HEATR5A: variants seen among roughly 807,000 people sequenced by gnomAD.
The protein encoded by HEATR5A is HEAT repeat containing 5A.
In HEATR5A, 178 loss-of-function variants were observed where a neutral mutation model predicts 218.8. That is an observed-to-expected ratio of 0.81 (90% confidence interval 0.72 to 0.92). The LOEUF (loss-of-function observed/expected upper bound fraction) is 0.92, where lower values mean the gene tolerates loss of function less well. Among genes scored for constraint, HEATR5A ranks in the 40% least tolerant of loss-of-function variants. The pLI is 0.00. For synonymous variants in HEATR5A, 864 were observed against 871.6 expected, an observed-to-expected ratio of 0.99 and a Z score of 0.15; for missense variants, 2,420 against 2,418.9, an observed-to-expected ratio of 1.00 and a Z score of -0.01.
chr14:31,349,083 T>A (rs1166818655), intron 18 of HEATR5A, among the ~76,000 whole-genome samples: 1 of 152,110 alleles, frequency 6.6e-6, no homozygotes, highest in Non-Finnish European at 1.5e-5. Flanking sequence ...CTAAAAGTTA[T>A]ACAACTGATA....
At chr14:31,401,083 C>T (rs528049064) in intron 2 of HEATR5A, among the ~76,000 whole-genome samples, 8 of 152,186 alleles carry the variant, frequency 5.3e-5, no homozygotes, top group Admixed American at 1.3e-4. Flanking sequence ...TTATGATCCA[C>T]CCACCTCGGC....
intron 24 of HEATR5A, among the ~76,000 whole-genome samples, chr14:31,323,257 C>A: frequency 6.6e-6 from 1 of 152,132 alleles, no homozygotes; most frequent in East Asian, 1.9e-4. Context: ...AACTCCTGGG[C>A]TCAAGTGATA....
chr14:31,337,476 C>G lies in HEATR5A; in HGVS notation c.3367G>C (p.Asp1123His), dbSNP rs1282640470. ...ACATAATCTTGATCAAGAGAATTAC[C>G]TGGAGTCAACTCTTCTCTGCTATCC... ...AKDSREELTPDANIREVGLEG... is the reference protein window; with the variant it reads ...AKDSREELTPHANIREVGLEG... Residue 1123 changes from aspartate (D) to histidine (H), a missense_variant and splice_region_variant, in exon 22 of 36, where the codon GAT becomes CAT. Transcript: ENST00000543095. 6.5e-7 allele frequency: 1 copy of G among 1,548,738 alleles called. No individual in the cohort carries two copies. The highest frequency in any genetic ancestry group is 2.4e-5 in the East Asian group (1 of 40,928).
intron 29 of HEATR5A, among the ~76,000 whole-genome samples, chr14:31,308,375 C>T (rs1051921778): frequency 2.0e-5 from 3 of 151,954 alleles, no homozygotes; most frequent in Non-Finnish European, 4.4e-5. Flanking sequence ...GGCATGGTGG[C>T]GCATGCCTGT....
chr14:31,352,349 A>C (rs577012432), intron 16 of HEATR5A, among the ~76,000 whole-genome samples: 2 of 152,344 alleles, frequency 1.3e-5, no homozygotes, highest in South Asian at 4.1e-4. Flanking sequence ...CAAGCATAAA[A>C]GACAACAGCA....
At chr14:31,330,669 T>C (rs1900434429) in intron 22 of HEATR5A, among the ~76,000 whole-genome samples, 1 of 151,714 alleles carries the variant, frequency 6.6e-6, no homozygotes, top group Admixed American at 6.6e-5. Flanking sequence ...CAGGTGCCTG[T>C]AGTCCCAGCT....
intron 1 of HEATR5A, among the ~76,000 whole-genome samples, chr14:31,405,695 A>C (rs2139313150): frequency 6.6e-6 from 1 of 152,352 alleles, no homozygotes; most frequent in East Asian, 1.9e-4. Flanking sequence ...AAATAACCAC[A>C]GTATCATAGA....
chr14:31,306,324 T>TA (rs1469212997), intron 31 of HEATR5A, among the ~76,000 whole-genome samples: 1 of 151,726 alleles, frequency 6.6e-6, no homozygotes, highest in Admixed American at 6.6e-5. Context: ...TAATAAAAAA[T>TA]ACGAAAAAAT....
chr14:31,313,601 A>G (rs1899825948), intron 27 of HEATR5A, among the ~76,000 whole-genome samples: 1 of 152,218 alleles, frequency 6.6e-6, no homozygotes, highest in Non-Finnish European at 1.5e-5. Flanking sequence ...AGTGTACACA[A>G]ATAGATTTAA....
At chr14:31,313,552 T>C (rs564214379) in intron 27 of HEATR5A, among the ~76,000 whole-genome samples, 13 of 152,304 alleles carry the variant, frequency 8.5e-5, no homozygotes, top group Middle Eastern at 3.4e-3. Flanking sequence ...AAATACTGAA[T>C]ATATTTTCAT....
chr14:31,400,562 G>A, intron 2 of HEATR5A, 50 bp from the exon 3 acceptor site: 1 of 1,163,406 alleles, frequency 8.6e-7, no homozygotes, highest in East Asian at 2.6e-5. Context: ...ATAATTATCT[G>A]TAATCCCCTA....
At chr14:31,359,904 C>T (rs1312610056) in intron 14 of HEATR5A, among the ~76,000 whole-genome samples, 2 of 152,072 alleles carry the variant, frequency 1.3e-5, no homozygotes, top group African/African-American at 2.4e-5. Flanking sequence ...CACCTACATC[C>T]CCATTCCTGA....
chr14:31,308,189 GTCTGTT>G (rs1205652325), intron 29 of HEATR5A, among the ~76,000 whole-genome samples, 169 bp from the exon 30 acceptor site: 1 of 152,058 alleles, frequency 6.6e-6, no homozygotes, highest in Non-Finnish European at 1.5e-5. Flanking sequence ...TCACTTAATA[GTCTGTT>G]TCTATCTACA....
At chr14:31,305,515 G>A (rs1419486649) in intron 31 of HEATR5A, among the ~76,000 whole-genome samples, 2 of 152,186 alleles carry the variant, frequency 1.3e-5, no homozygotes, top group African/African-American at 4.8e-5. Context: ...CGCCTGCCCC[G>A]GCCTCCCAAA....
At chr14:31,368,274 G>A (rs1309524125) in intron 13 of HEATR5A, among the ~76,000 whole-genome samples, 1 of 152,080 alleles carries the variant, frequency 6.6e-6, no homozygotes, top group Non-Finnish European at 1.5e-5. Context: ...GTAAACAGCA[G>A]GCTCTCATCA....
chr14:31,339,106 A>T (rs1472070850), intron 21 of HEATR5A, among the ~76,000 whole-genome samples: 1 of 147,756 alleles, frequency 6.8e-6, no homozygotes, highest in South Asian at 2.2e-4. Flanking sequence ...GGCGACACAG[A>T]CTGTGTCTCA....
In HEATR5A at chr14:31,386,507, T is replaced by C. The variant is rs375901899; in HGVS notation, c.1258A>G (p.Met420Val). 1.3e-5 allele frequency: 21 copies of C among 1,612,062 alleles called. No individual in the cohort carries two copies. Among genetic ancestry groups the C allele is most frequent in the African/African-American group, 4.0e-5 (3 of 74,818 alleles). Residue 420 changes from methionine to valine, a missense_variant, in exon 9 of 36, where the codon ATG becomes GTG. Met to Val is a conservative substitution (Grantham distance 21). Coordinates refer to ENST00000543095, the MANE Select transcript of HEATR5A (RefSeq NM_015473.4). ...GSTDVAASQH[M>V]LVCALQELGN... is the part of the protein sequence containing the mutation. ...AGTTCTTGTAAAGCACAAACCAGCA[T>C]ATGTTGGCTAGCGGCTACATCTGTG...
intron 22 of HEATR5A, 22 bp from the exon 23 acceptor site, chr14:31,326,364 A>C: frequency 6.3e-7 from 1 of 1,578,044 alleles, no homozygotes; most frequent in Non-Finnish European, 8.6e-7. Flanking sequence ...AAAATCAATT[A>C]TCTAAGTAAT....
intron 33 of HEATR5A, among the ~76,000 whole-genome samples, chr14:31,298,556 A>G (rs577079285): frequency 9.7e-4 from 148 of 152,226 alleles, no homozygotes; most frequent in Non-Finnish European, 8.5e-4. Context: ...AAGGCCTCCC[A>G]AAGTGCTGGG....
Sources: gnomAD v4.1 joint callset for allele counts (sites outside exome capture counted in the v4.1 genomes callset) on GRCh38, gnomAD v4.1.1 for gene constraint, MANE v1.5 for transcripts, NCBI Gene and HGNC (gene_info 2026-07-23, HGNC 2026-07-21) for gene names.